Variants in FAM86B2 observed in about 807,000 individuals in gnomAD.
FAM86B2 encodes putative protein N-methyltransferase FAM86B2.
In FAM86B2, 1 loss-of-function variant was observed where a neutral mutation model predicts 26.5. That is an observed-to-expected ratio of 0.04 (90% CI 0.01 to 0.18). The LOEUF is 0.18. Ranked by LOEUF, FAM86B2 falls within the 10% of genes least tolerant of loss-of-function variation. FAM86B2 has a pLI of 1.00. For synonymous variants in FAM86B2, 11 were observed against 127.8 expected, an observed-to-expected ratio of 0.09 and a Z score of 6.17; for missense variants, 43 against 303.5, an observed-to-expected ratio of 0.14 and a Z score of 6.38.
chr8:12,426,229 G>A (rs1449179726), intron 7 of FAM86B2, among the ~76,000 whole-genome samples: 11 of 147,936 alleles, frequency 7.4e-5, no homozygotes, highest in South Asian at 4.3e-4. Flanking sequence ...CTGTGCCTGC[G>A]TCTGCCCCAG....
At chr8:12,435,461 T>C (rs1798589928) in intron 1 of FAM86B2, among the ~76,000 whole-genome samples, 1 of 127,010 alleles carries the variant, frequency 7.9e-6, no homozygotes, top group Admixed American at 7.8e-5. Flanking sequence ...AGGTTTCTAT[T>C]TTGGGTTAAA....
At chr8:12,428,445 G>T (rs1416035743) in intron 6 of FAM86B2, among the ~76,000 whole-genome samples, 188 bp downstream of exon 6, 1 of 152,072 alleles carries the variant, frequency 6.6e-6, no homozygotes, top group African/African-American at 2.4e-5. Flanking sequence ...CAACAGGGCT[G>T]TGGCTTGAAG....
At position 12,435,160 on chromosome 8, in the gene FAM86B2, C is replaced by T. The variant is rs1798563460; in HGVS notation, c.97-1046G>A. Among the ~76,000 whole-genome samples, 3 of 89,558 alleles carry T rather than the reference C, an allele frequency of 3.3e-5. 1 individual carries two copies. Among genetic ancestry groups the T allele is most frequent in the East Asian group, 4.7e-4 (1 of 2,136 alleles). The allele number at this position is 89,558 out of a possible 152,430, so 58.8% of individuals were successfully genotyped here. A position where few individuals can be genotyped will look rare whatever the true frequency, so the allele number is the denominator to read the frequency against. Reference sequence around the variant, plus strand: ...GAGAACAACCCTAAGAGGTAGGTATCATTATATCCCCCATTTTATTAATAA... The same window carrying T: ...GAGAACAACCCTAAGAGGTAGGTATTATTATATCCCCCATTTTATTAATAA... On this transcript the variant is annotated intron_variant, in intron 1 of 7. Transcript: ENST00000262365.
chr8:12,424,763 C>T lies in FAM86B2; in HGVS notation c.*1126G>A, dbSNP rs1426417250. ...CAAGTCCAAGTGAGGGAGTTAGGGACTTGGGAGGGGTTGTTGTTGGGTCGG... is the reference window on the plus strand; with the variant it reads ...CAAGTCCAAGTGAGGGAGTTAGGGATTTGGGAGGGGTTGTTGTTGGGTCGG... On this transcript the variant is annotated 3_prime_UTR_variant, in exon 8 of 8. Transcript: ENST00000262365. 472 of 352,792 alleles carry T rather than the reference C, an allele frequency of 1.3e-3. 7 individuals are homozygous for T. Among genetic ancestry groups the T allele is most frequent in the Non-Finnish European group, 2.0e-3 (445 of 221,416 alleles). 21.9% of individuals were successfully genotyped at this position (352,792 alleles called of 1,614,324 possible). A position where few individuals can be genotyped will look rare whatever the true frequency, so the allele number is the denominator to read the frequency against.
chr8:12,428,465 A>C (rs1260866061), intron 6 of FAM86B2, among the ~76,000 whole-genome samples, 168 bp downstream of exon 6: 2 of 152,002 alleles, frequency 1.3e-5, no homozygotes, highest in Non-Finnish European at 2.9e-5. Context: ...GGTCACCTTA[A>C]GAGGCACCCC....
chr8:12,434,829 C>T (rs1271719881), intron 1 of FAM86B2, among the ~76,000 whole-genome samples: 3 of 149,694 alleles, frequency 2.0e-5, no homozygotes, highest in East Asian at 1.9e-4. Context: ...CAAATGCCAC[C>T]TCTTTGGGGA....
rs1450640935 is a variant in FAM86B2 at position 12,424,603 on chromosome 8, C to G, written c.*1286G>C. On this transcript the variant is annotated 3_prime_UTR_variant, in exon 8 of 8. Transcript: ENST00000262365. ...CCAGAGGCCGAGAGGAGGGTGCTCA[C>G]AGGGGAACGTACAGCATGTAGAGGC... 7.4e-6 allele frequency among the ~76,000 whole-genome samples: 1 copy of G among 134,928 alleles called. No homozygotes were observed. The highest frequency in any genetic ancestry group is 1.6e-5 in the Non-Finnish European group (1 of 61,590). 88.5% of individuals were successfully genotyped at this position (134,928 alleles called of 152,430 possible).
chr8:12,426,699 C>T (rs1281588217), intron 7 of FAM86B2, among the ~76,000 whole-genome samples: 2 of 21,144 alleles, frequency 9.5e-5, no homozygotes, highest in East Asian at 1.1e-3. Flanking sequence ...CACTATGTGG[C>T]CCAAGTTGGT....
intron 4 of FAM86B2, among the ~76,000 whole-genome samples, chr8:12,429,593 C>T (rs1353070344): frequency 1.0e-3 from 41 of 39,822 alleles, no homozygotes; most frequent in African/African-American, 2.8e-3. Context: ...GCCTCACCTG[C>T]CCAGGTAGCT....
intron 1 of FAM86B2, among the ~76,000 whole-genome samples, chr8:12,435,888 G>C (rs1385214302): frequency 4.8e-5 from 7 of 145,826 alleles, no homozygotes; most frequent in African/African-American, 1.8e-4. Flanking sequence ...GGTTACCCGC[G>C]GGCCTGAGGG....
intron 1 of FAM86B2, among the ~76,000 whole-genome samples, chr8:12,435,221 CA>C: frequency 8.4e-6 from 1 of 118,940 alleles, no homozygotes; most frequent in South Asian, 3.3e-4. Flanking sequence ...GTCACTTGCC[CA>C]AGGTCACACA....
intron 1 of FAM86B2, among the ~76,000 whole-genome samples, chr8:12,434,979 G>A (rs531980880): frequency 1.3e-4 from 19 of 151,640 alleles, no homozygotes; most frequent in African/African-American, 4.1e-4. Context: ...TCCCATGCAA[G>A]CAGAGCCTCA....
At chr8:12,428,394 C>T (rs1192916756) in intron 6 of FAM86B2, among the ~76,000 whole-genome samples, 21 of 152,008 alleles carry the variant, frequency 1.4e-4, no homozygotes, top group Non-Finnish European at 2.4e-4. Context: ...TGGGACAGAG[C>T]CATGTGGTGA....
chr8:12,435,003 C>A (rs550403665), intron 1 of FAM86B2, among the ~76,000 whole-genome samples: 41 of 151,116 alleles, frequency 2.7e-4, no homozygotes, highest in African/African-American at 1.0e-3. Context: ...ATCATGGGTA[C>A]TGCCGATCCA....
chr8:12,428,983 GT>G lies in FAM86B2; in HGVS notation c.473del (p.Asn158ThrfsTer5). 1.6e-6 allele frequency: 1 copy of G among 620,824 alleles called. No homozygotes were observed. Among genetic ancestry groups the G allele is most frequent in the Non-Finnish European group, 2.4e-6 (1 of 424,502 alleles). The allele number at this position is 620,824 out of a possible 1,614,324, so 38.5% of individuals were successfully genotyped here. On this transcript the variant is annotated frameshift_variant, in exon 5 of 8. Coordinates refer to ENST00000262365, the MANE Select transcript of FAM86B2 (RefSeq NM_001137610.3). LOFTEE classifies it high-confidence loss of function. ...CCTGCCCTGTGCCCCAAGGTCACCT[GT>G]TAATGAAGGCTGCCGGGTTCTCGAT... ...WAIENPAAFINRTVLELGSGA... is the reference protein window; with the variant it reads ...WAIENPAAFIXRTVLELGSGA...
chr8:12,425,946 C>T lies in FAM86B2; in HGVS notation c.936G>A (p.Gln312=). 1 of 497,908 alleles carries T rather than the reference C, an allele frequency of 2.0e-6. No homozygotes were observed. The highest frequency in any genetic ancestry group is 2.0e-5 in the South Asian group (1 of 50,366). The allele number at this position is 497,908 out of a possible 1,614,324, so 30.8% of individuals were successfully genotyped here. Residue 312 remains glutamine (Q), a synonymous_variant, in exon 8 of 8, where the codon CAG becomes CAA. Transcript: ENST00000262365. ...AGTGCTCTCCATAGGGAAACAGTTT[C>T]TGGTCATGATGAGCTTCCGCTTCCC... ...IRWEAEAHHD[Q]KLFPYGEHLE...
chr8:12,435,453 G>C (rs569826045), intron 1 of FAM86B2, among the ~76,000 whole-genome samples: 1 of 124,258 alleles, frequency 8.0e-6, no homozygotes, highest in African/African-American at 3.0e-5. Flanking sequence ...TTTTATGAAG[G>C]TTTCTATTTT....
At chr8:12,426,463 ACTT>A (rs2150876159) in intron 7 of FAM86B2, among the ~76,000 whole-genome samples, 1 of 55,580 alleles carries the variant, frequency 1.8e-5, no homozygotes, top group Admixed American at 2.2e-4. Flanking sequence ...CTGAAGAAAG[ACTT>A]CCTTTTTTTT....
rs569097866 is a variant in FAM86B2, at chr8:12,429,533, C to T, written c.343-419G>A. Among the ~76,000 whole-genome samples, 22 of 76,352 alleles carry T rather than the reference C, an allele frequency of 2.9e-4. 2 individuals carry two copies. Among genetic ancestry groups the T allele is most frequent in the African/African-American group, 8.4e-4 (18 of 21,326 alleles). 50.1% of individuals were successfully genotyped at this position (76,352 alleles called of 152,430 possible). On this transcript the variant is annotated intron_variant, in intron 4 of 7. Coordinates refer to ENST00000262365, the MANE Select transcript of FAM86B2 (RefSeq NM_001137610.3). Reference sequence around the variant, plus strand: ...GTCACCCAGGCTGGAGTCAGTGGCACGATCTTGGCTTACTGCAACATCTGC... The same window carrying T: ...GTCACCCAGGCTGGAGTCAGTGGCATGATCTTGGCTTACTGCAACATCTGC...
Sources: gnomAD v4.1 joint callset for allele counts (sites outside exome capture counted in the v4.1 genomes callset) on GRCh38, gnomAD v4.1.1 for gene constraint, MANE v1.5 for transcripts, NCBI Gene and HGNC (gene_info 2026-07-23, HGNC 2026-07-21) for gene names.